The following PPP1R1C variants were observed in gnomAD, a reference collection of about 807,000 sequenced individuals.
PPP1R1C encodes the protein protein phosphatase 1 regulatory subunit 1C.
PPP1R1C carries 15 observed loss-of-function variants against 17.4 expected under a neutral mutation model. The ratio of observed to expected loss-of-function variants is 0.86; its 90% CI spans 0.58 to 1.33. The LOEUF is 1.33. Ranked by LOEUF, PPP1R1C falls within the 40% of genes most tolerant of loss-of-function variation. The probability of loss-of-function intolerance (pLI) is 0.00; values close to 1 mark genes in which losing one functional copy is unlikely to be tolerated. For synonymous variants in PPP1R1C, 35 were observed against 43.1 expected (o/e 0.81, Z 0.73); for missense variants, 143 against 130.0 (o/e 1.10, Z -0.48).
At chr2:182,125,276 T>C (rs1689847248) in intron 5 of PPP1R1C, among the ~76,000 whole-genome samples, 2 of 152,340 alleles carry the variant, frequency 1.3e-5, no homozygotes, top group South Asian at 4.1e-4. Flanking sequence ...ATAAGCTTTT[T>C]GCTGTGCTGC....
At chr2:181,974,304 ATATT>A (rs1685060325) in intron 1 of PPP1R1C, among the ~76,000 whole-genome samples, 2 of 152,190 alleles carry the variant, frequency 1.3e-5, no homozygotes, top group East Asian at 3.8e-4. Context: ...TTCTTACTTG[ATATT>A]TATCTATGTT....
At chr2:181,959,042 T>C (rs1458065499) in intron 1 of PPP1R1C, among the ~76,000 whole-genome samples, 1 of 152,244 alleles carries the variant, frequency 6.6e-6, no homozygotes, top group African/African-American at 2.4e-5. Flanking sequence ...GTTAGTATAA[T>C]AGATATTACC....
At chr2:181,973,525 A>G (rs1685047253) in intron 1 of PPP1R1C, among the ~76,000 whole-genome samples, 1 of 152,210 alleles carries the variant, frequency 6.6e-6, no homozygotes, top group South Asian at 2.1e-4. Flanking sequence ...TACATAGCAG[A>G]TAGGGAGGTA....
At chr2:182,010,246 A>G (rs1686051031) in intron 2 of PPP1R1C, among the ~76,000 whole-genome samples, 1 of 152,006 alleles carries the variant, frequency 6.6e-6, no homozygotes, top group Non-Finnish European at 1.5e-5. Context: ...TGTTCTTCCA[A>G]TTCATGAACA....
chr2:182,116,906 T>C (rs1689600795), intron 4 of PPP1R1C, among the ~76,000 whole-genome samples: 1 of 152,188 alleles, frequency 6.6e-6, no homozygotes, highest in Admixed American at 6.6e-5. Context: ...ATTAGAATTA[T>C]AATAAGAATC....
At chr2:182,002,758 A>G (rs1168684190) in intron 2 of PPP1R1C, among the ~76,000 whole-genome samples, 1 of 152,150 alleles carries the variant, frequency 6.6e-6, no homozygotes, top group African/African-American at 2.4e-5. Flanking sequence ...TTAAAATCTC[A>G]AAATTTAAAT....
Position 181,967,285 on chromosome 2 carries a change from AT to A in PPP1R1C, n.112-7931del, listed in dbSNP as rs1165245037. Among the ~76,000 whole-genome samples the A allele has an allele frequency of 2.6e-5, 4 of 151,684 alleles. No homozygotes were observed. The highest frequency in any genetic ancestry group is 5.9e-5 in the Non-Finnish European group (4 of 67,896). ...ATTAATCTCATATTTTTTGGTTTCAATTTCATTTATTTCTGCTCTGATACCT... is the reference window on the plus strand; with the variant it reads ...ATTAATCTCATATTTTTTGGTTTCAATTCATTTATTTCTGCTCTGATACCT... On this transcript the variant is annotated intron_variant and non_coding_transcript_variant, in intron 1 of 5. Coordinates refer to the PPP1R1C transcript ENST00000464264. The surrounding 1 kb of genome is among the most constrained non-coding windows in gnomAD (Gnocchi z 5.5).
chr2:182,042,175 T>C (rs1055136808), intron 2 of PPP1R1C, among the ~76,000 whole-genome samples: 1 of 152,234 alleles, frequency 6.6e-6, no homozygotes, highest in Middle Eastern at 3.2e-3. Flanking sequence ...ACTCCTTTTT[T>C]TACTCTACTT....
At chr2:182,103,291 G>T (rs1689152447) in intron 4 of PPP1R1C, among the ~76,000 whole-genome samples, 2 of 152,144 alleles carry the variant, frequency 1.3e-5, no homozygotes, top group South Asian at 2.1e-4. Flanking sequence ...TTTTAAGCAA[G>T]AATTTTGTTT....
chr2:181,979,789 A>G (rs1685161669), intron 2 of PPP1R1C, among the ~76,000 whole-genome samples: 1 of 152,244 alleles, frequency 6.6e-6, no homozygotes, highest in Non-Finnish European at 1.5e-5. Context: ...TTGCATAGAG[A>G]GGGCAGCTCT....
At chr2:182,029,054 C>T (rs1332975821) in intron 2 of PPP1R1C, among the ~76,000 whole-genome samples, 1,589 of 142,034 alleles carry the variant, frequency 0.011, 20 homozygotes, top group African/African-American at 0.04. Context: ...TTTTTGTTTT[C>T]CCTTGGCTTG....
intron 2 of PPP1R1C, among the ~76,000 whole-genome samples, chr2:182,021,413 C>T (rs910257502): frequency 1.3e-5 from 2 of 150,556 alleles, no homozygotes; most frequent in African/African-American, 2.4e-5. Flanking sequence ...CTGCAACCTC[C>T]GCCCCTTGGG....
At position 182,110,392 on chromosome 2, in the gene PPP1R1C, T is replaced by A. The variant is rs992895656; in HGVS notation, c.242-6815T>A. On this transcript the variant is annotated intron_variant, in intron 4 of 4. Coordinates refer to ENST00000682840, the MANE Select transcript of PPP1R1C (RefSeq NM_001080545.3). ...TTCAAAATAAATGACTACTATCAGG[T>A]GAAGACAATATTATTCTAGTCAGAG... Among the ~76,000 whole-genome samples, 3 of 152,318 alleles carry A rather than the reference T, an allele frequency of 2.0e-5. 1 individual carries two copies. The South Asian group carries it at 6.2e-4, about 32-fold the overall frequency.
At chr2:182,000,963 C>G (rs1025594897) in intron 2 of PPP1R1C, among the ~76,000 whole-genome samples, 18 of 152,090 alleles carry the variant, frequency 1.2e-4, no homozygotes, top group African/African-American at 4.3e-4. Context: ...GATGGAGCAA[C>G]CCTCACTGTG....
At chr2:182,046,632 G>A (rs1687355466) in intron 2 of PPP1R1C, among the ~76,000 whole-genome samples, 1 of 151,500 alleles carries the variant, frequency 6.6e-6, no homozygotes, top group Admixed American at 6.6e-5. Flanking sequence ...CCAGCTACTC[G>A]GGAGGCTGAG....
At chr2:181,959,651 A>G (rs551982142) in intron 1 of PPP1R1C, among the ~76,000 whole-genome samples, 3 of 152,118 alleles carry the variant, frequency 2.0e-5, no homozygotes, top group African/African-American at 7.2e-5. Flanking sequence ...GTGTCAGCTG[A>G]AAAAAAAGCC....
At chr2:181,979,301 T>C (rs1162712766) in intron 2 of PPP1R1C, among the ~76,000 whole-genome samples, 1 of 152,232 alleles carries the variant, frequency 6.6e-6, no homozygotes, top group Non-Finnish European at 1.5e-5. Context: ...TCCAACTCTC[T>C]CTTCCGTTAT....
chr2:182,017,115 C>G (rs1292307854), intron 2 of PPP1R1C, among the ~76,000 whole-genome samples: 1 of 152,108 alleles, frequency 6.6e-6, no homozygotes, highest in Non-Finnish European at 1.5e-5. Flanking sequence ...TTTCTTCTAA[C>G]AGTAGACATT....
intron 1 of PPP1R1C, among the ~76,000 whole-genome samples, chr2:181,968,650 C>G (rs1185680234): frequency 2.6e-5 from 4 of 152,072 alleles, no homozygotes; most frequent in Non-Finnish European, 5.9e-5. Flanking sequence ...TCCGTTCAGC[C>G]ACTCTATGGC....
Sources: allele counts gnomAD v4.1 joint callset (sites outside exome capture counted in the v4.1 genomes callset), GRCh38; gene constraint gnomAD v4.1.1; non-coding constraint Gnocchi (gnomAD v3.1); transcripts MANE v1.5; gene names NCBI Gene and HGNC (gene_info 2026-07-23, HGNC 2026-07-21).